CHRM2: variants seen among roughly 807,000 people sequenced by gnomAD.
CHRM2 encodes the protein muscarinic acetylcholine receptor M2.
In CHRM2, 8 loss-of-function variants were observed where a neutral mutation model predicts 25.0. That is an observed-to-expected ratio of 0.32 (90% CI 0.19 to 0.58). The LOEUF (loss-of-function observed/expected upper bound fraction) is 0.58. Ranked by LOEUF, CHRM2 falls within the 20% of genes least tolerant of loss-of-function variation. CHRM2 has a pLI of 0.88. For synonymous variants in CHRM2, 202 were observed against 205.7 expected, an observed-to-expected ratio of 0.98 and a Z score of 0.15; for missense variants, 440 against 567.1, an observed-to-expected ratio of 0.78 and a Z score of 2.28.
At chr7:136,882,146 T>A (rs1041380300) in intron 2 of CHRM2, among the ~76,000 whole-genome samples, 4 of 152,046 alleles carry the variant, frequency 2.6e-5, no homozygotes, top group Non-Finnish European at 5.9e-5. Context: ...TGAATATTGG[T>A]CTAGTCCCTC....
intron 2 of CHRM2, among the ~76,000 whole-genome samples, chr7:136,928,519 A>G (rs756773404): frequency 5.3e-5 from 8 of 152,194 alleles, no homozygotes; most frequent in Non-Finnish European, 5.9e-5. Flanking sequence ...AGAGGAAACA[A>G]TGTTTTTAAT....
rs1805359425 is a variant in CHRM2, at chr7:137,020,203, A to T, written c.*3937A>T. 7.1e-6 allele frequency: 1 copy of T among 141,578 alleles called. No individual in the cohort carries two copies. Among genetic ancestry groups the T allele is most frequent in the African/African-American group, 2.8e-5 (1 of 35,494 alleles). The allele number at this position is 141,578 out of a possible 1,614,324, so 8.8% of individuals were successfully genotyped here. On this transcript the variant is annotated 3_prime_UTR_variant, in exon 4 of 4. Coordinates refer to ENST00000680005, the MANE Select transcript of CHRM2 (RefSeq NM_001006630.2). The stretch of plus-strand genomic sequence containing the variant: ...TATAAATAAAATAATAAAATGTACA[A>T]TAGAAATACATATTTCTGTATGCAA...
chr7:136,881,190 C>T (rs575099556), intron 2 of CHRM2, among the ~76,000 whole-genome samples: 96 of 149,984 alleles, frequency 6.4e-4, no homozygotes, highest in African/African-American at 2.3e-3. Context: ...CTATAGTTTG[C>T]CTTTACGGAC....
At chr7:136,933,105 A>C (rs1373030023) in intron 2 of CHRM2, among the ~76,000 whole-genome samples, 1 of 152,166 alleles carries the variant, frequency 6.6e-6, no homozygotes, top group Non-Finnish European at 1.5e-5. Context: ...CAAAGTTAAA[A>C]ACATTTTTTA....
At chr7:136,873,609 A>G (rs932124617) in intron 2 of CHRM2, among the ~76,000 whole-genome samples, 1 of 152,212 alleles carries the variant, frequency 6.6e-6, no homozygotes, top group African/African-American at 2.4e-5. Context: ...TCATACAGCT[A>G]GTAAGTTGCA....
At chr7:136,889,339 G>A (rs1051861261) in intron 2 of CHRM2, among the ~76,000 whole-genome samples, 4 of 152,126 alleles carry the variant, frequency 2.6e-5, no homozygotes, top group African/African-American at 9.7e-5. Flanking sequence ...CTTGAGCTAA[G>A]GAAGAGAACA....
chr7:136,938,465 T>G (rs1386792921), intron 2 of CHRM2: 5 of 1,167,552 alleles, frequency 4.3e-6, no homozygotes, highest in South Asian at 1.2e-5. Context: ...TTCCCCTGGA[T>G]GCGCACGGCC....
chr7:136,932,624 A>C (rs1163602033), intron 2 of CHRM2, among the ~76,000 whole-genome samples: 3 of 152,226 alleles, frequency 2.0e-5, no homozygotes, highest in Non-Finnish European at 2.9e-5. Context: ...AAACAAACTA[A>C]AATGGATCAT....
chr7:136,962,370 A>T (rs894413287), intron 2 of CHRM2, among the ~76,000 whole-genome samples: 13 of 152,122 alleles, frequency 8.5e-5, no homozygotes, highest in African/African-American at 3.1e-4. Context: ...CCTGGCCTCA[A>T]GTGATCAGCC....
At chr7:136,989,604 CT>C (rs1238643476) in intron 2 of CHRM2, among the ~76,000 whole-genome samples, 7 of 152,142 alleles carry the variant, frequency 4.6e-5, no homozygotes, top group South Asian at 4.1e-4. Flanking sequence ...TCATTATTGA[CT>C]TTTCCCCTCC....
chr7:136,994,615 C>T (rs1257217598), intron 3 of CHRM2, among the ~76,000 whole-genome samples: 7 of 146,880 alleles, frequency 4.8e-5, no homozygotes, highest in African/African-American at 1.8e-4. Flanking sequence ...ACCGCAACCT[C>T]CTCCTCGTGG....
intron 2 of CHRM2, among the ~76,000 whole-genome samples, chr7:136,900,160 G>T (rs1001897947): frequency 1.3e-5 from 2 of 151,996 alleles, no homozygotes; most frequent in Non-Finnish European, 2.9e-5. Flanking sequence ...GCTTATTTCT[G>T]ATACTATCAT....
At chr7:136,898,177 A>C (rs1372063149) in intron 2 of CHRM2, among the ~76,000 whole-genome samples, 1 of 152,142 alleles carries the variant, frequency 6.6e-6, no homozygotes. Flanking sequence ...AGTTTTATGT[A>C]TTTCTCATAG....
rs546698849 is a variant in CHRM2, at chr7:136,917,902, T to C, written c.-125+48484T>C. On this transcript the variant is annotated intron_variant, in intron 2 of 3. Coordinates refer to ENST00000680005, the MANE Select transcript of CHRM2 (RefSeq NM_001006630.2). ...ATATGAATATTTTGTTTTGTTTTCC[T>C]GAGGTCTTACTCATGTGCATAATGT... Among the ~76,000 whole-genome samples, 8 of 152,220 alleles carry C rather than the reference T, an allele frequency of 5.3e-5. No individual in the cohort carries two copies. In the South Asian group the frequency reaches 1.7e-3, roughly 32 times the overall value.
chr7:136,897,253 G>C (rs1796953473), intron 2 of CHRM2, among the ~76,000 whole-genome samples: 1 of 152,006 alleles, frequency 6.6e-6, no homozygotes. Context: ...ATTTGTGTTT[G>C]AGGAAGCCAA....
intron 2 of CHRM2, among the ~76,000 whole-genome samples, chr7:136,945,896 C>A (rs563466547): frequency 6.6e-6 from 1 of 152,206 alleles, no homozygotes; most frequent in African/African-American, 2.4e-5. Flanking sequence ...TTAATCTGCA[C>A]CACTCGATAA....
At chr7:136,955,066 C>T (rs952846778) in intron 2 of CHRM2, among the ~76,000 whole-genome samples, 5 of 152,100 alleles carry the variant, frequency 3.3e-5, no homozygotes, top group African/African-American at 7.2e-5. Flanking sequence ...AGGACATTCT[C>T]GCATAGTTGT....
At chr7:136,888,773 C>T (rs1280620131) in intron 2 of CHRM2, among the ~76,000 whole-genome samples, 2 of 151,924 alleles carry the variant, frequency 1.3e-5, no homozygotes, top group Non-Finnish European at 2.9e-5. Context: ...AAGTAATTAC[C>T]AATTCAATCA....
chr7:136,973,236 G>A (rs1214113909), intron 2 of CHRM2, among the ~76,000 whole-genome samples: 1 of 104,260 alleles, frequency 9.6e-6, no homozygotes, highest in African/African-American at 4.2e-5. Flanking sequence ...TGATGGTGAC[G>A]GTGTTAGGGA....
Sources: allele counts gnomAD v4.1 joint callset (sites outside exome capture counted in the v4.1 genomes callset), GRCh38; gene constraint gnomAD v4.1.1; transcripts MANE v1.5; gene names NCBI Gene and HGNC (gene_info 2026-07-23, HGNC 2026-07-21).